PACRG: variants seen among roughly 807,000 people sequenced by gnomAD.
PACRG encodes parkin coregulated, also known as parkin coregulated gene protein.
PACRG carries 29 observed loss-of-function variants against 29.7 expected under a neutral mutation model. That is an observed-to-expected ratio of 0.98 (90% confidence interval 0.73 to 1.33). The LOEUF is 1.33. Among genes scored for constraint, PACRG ranks in the 40% most tolerant of loss-of-function variants. The probability of loss-of-function intolerance (pLI) is 0.00; values close to 1 mark genes in which losing one functional copy is unlikely to be tolerated. For synonymous variants in PACRG, 116 were observed against 118.7 expected (o/e 0.98, Z 0.15); for missense variants, 279 against 316.2 (o/e 0.88, Z 0.89).
chr6:162,828,461 G>C (rs939968096), intron 2 of PACRG, among the ~76,000 whole-genome samples: 11 of 152,178 alleles, frequency 7.2e-5, no homozygotes, highest in Non-Finnish European at 1.5e-4. Context: ...CATTACCTGA[G>C]TACTTACTGG....
intron 2 of PACRG, among the ~76,000 whole-genome samples, chr6:162,902,990 A>G (rs1795664118): frequency 6.6e-6 from 1 of 152,206 alleles, no homozygotes; most frequent in African/African-American, 2.4e-5. Context: ...CTTACTGTTA[A>G]TCCTTCCCAG....
chr6:162,727,333 G>GGGC, upstream of PACRG: 2 of 391,818 alleles, frequency 5.1e-6, no homozygotes, highest in South Asian at 3.8e-5. Flanking sequence ...GGCGGCGGCG[G>GGGC]GGAGAAGGCT....
chr6:163,190,861 TG>T, intron 4 of PACRG: 1 of 420,852 alleles, frequency 2.4e-6, no homozygotes, highest in Non-Finnish European at 4.7e-6. Flanking sequence ...CCTCGTGTTC[TG>T]TCTATTGCTG....
intron 2 of PACRG, among the ~76,000 whole-genome samples, chr6:162,946,511 A>G (rs1369206864): frequency 6.6e-6 from 1 of 152,110 alleles, no homozygotes; most frequent in East Asian, 1.9e-4. Context: ...GTCTCCCAAC[A>G]AAGCAAAGTT....
intron 3 of PACRG, among the ~76,000 whole-genome samples, chr6:163,075,391 T>A (rs1812450148): frequency 6.6e-6 from 1 of 152,322 alleles, no homozygotes; most frequent in South Asian, 2.1e-4. Context: ...AATACACACT[T>A]CAACTCATTT....
At chr6:163,305,746 G>T (rs961558272) in intron 4 of PACRG, among the ~76,000 whole-genome samples, 3 of 152,134 alleles carry the variant, frequency 2.0e-5, no homozygotes, top group Non-Finnish European at 4.4e-5. Context: ...ATGAAGTAAA[G>T]ATAGTGTAAT....
At chr6:163,038,645 G>A (rs928286581) in intron 2 of PACRG, among the ~76,000 whole-genome samples, 3 of 152,122 alleles carry the variant, frequency 2.0e-5, no homozygotes, top group East Asian at 1.9e-4. Flanking sequence ...AAATGTTATA[G>A]AGCAAAAAAG....
At chr6:163,073,379 A>G (rs1259456505) in intron 3 of PACRG, among the ~76,000 whole-genome samples, 1 of 152,218 alleles carries the variant, frequency 6.6e-6, no homozygotes, top group East Asian at 1.9e-4. Flanking sequence ...GAATATCCAT[A>G]TGCACAAGAA....
intron 2 of PACRG, among the ~76,000 whole-genome samples, chr6:162,892,731 T>G (rs1202474301): frequency 1.3e-5 from 2 of 152,298 alleles, no homozygotes; most frequent in East Asian, 3.9e-4. Context: ...CTCTGTAGAC[T>G]TTATTAAAAT....
intron 4 of PACRG, among the ~76,000 whole-genome samples, chr6:163,196,924 C>CAGATAGATAGAT (rs10559182): frequency 3.9e-4 from 56 of 144,972 alleles, no homozygotes; most frequent in Non-Finnish European, 6.2e-4. Flanking sequence ...ACAGACTAGA[C>CAGATAGATAGAT]AGATAGATAG....
chr6:162,930,196 TAA>T (rs796126644), intron 2 of PACRG, among the ~76,000 whole-genome samples: 29 of 152,044 alleles, frequency 1.9e-4, no homozygotes, highest in African/African-American at 6.0e-4. Context: ...GTGGTAACTT[TAA>T]CAAAATTAGT....
Position 163,047,783 on chromosome 6 carries a change from C to T in PACRG, c.292-14367C>T, listed in dbSNP as rs144627753. Among the ~76,000 whole-genome samples, 79 of 152,198 alleles carry T rather than the reference C, an allele frequency of 5.2e-4. 2 individuals are homozygous for T. The East Asian group carries it at 0.015, about 29-fold the overall frequency. On this transcript the variant is annotated intron_variant, in intron 2 of 4. Coordinates refer to ENST00000366888, the MANE Select transcript of PACRG (RefSeq NM_001080379.2). ...TGATTAATTTGGGCAGAATCATCACCCATCTAAGTTTTAGTCTACCCAACC... is the reference window on the plus strand; with the variant it reads ...TGATTAATTTGGGCAGAATCATCACTCATCTAAGTTTTAGTCTACCCAACC...
chr6:163,070,645 G>A (rs761938309), intron 3 of PACRG, among the ~76,000 whole-genome samples: 19 of 151,848 alleles, frequency 1.3e-4, no homozygotes, highest in South Asian at 1.2e-3. Flanking sequence ...AGAAGGAATA[G>A]AAGATCACAA....
chr6:162,981,064 T>TGGGA (rs1049406530), intron 2 of PACRG, among the ~76,000 whole-genome samples: 1 of 151,954 alleles, frequency 6.6e-6, no homozygotes, highest in Admixed American at 6.6e-5. Context: ...GAGTCCCCAG[T>TGGGA]GTCCATTATA....
chr6:162,977,825 A>C (rs2128167898), intron 2 of PACRG, among the ~76,000 whole-genome samples: 1 of 152,286 alleles, frequency 6.6e-6, no homozygotes, highest in East Asian at 1.9e-4. Flanking sequence ...TAATCTTATA[A>C]AAATAAAAGC....
intron 4 of PACRG, among the ~76,000 whole-genome samples, chr6:163,166,655 A>T (rs755209147): frequency 7.9e-5 from 12 of 152,242 alleles, no homozygotes; most frequent in Non-Finnish European, 1.6e-4. Flanking sequence ...TATTTATTTC[A>T]GCCATATCTT....
intron 4 of PACRG, among the ~76,000 whole-genome samples, chr6:163,211,502 A>G (rs1781138660): frequency 6.6e-6 from 1 of 152,158 alleles, no homozygotes; most frequent in Admixed American, 6.5e-5. Flanking sequence ...CCTTTACCGT[A>G]TTTGATTATT....
intron 2 of PACRG, among the ~76,000 whole-genome samples, chr6:162,986,811 C>A (rs952607101): frequency 6.6e-6 from 1 of 152,004 alleles, no homozygotes; most frequent in East Asian, 1.9e-4. Context: ...AGTCTATTGT[C>A]GACAATTTCC....
intron 2 of PACRG, among the ~76,000 whole-genome samples, chr6:162,820,940 T>C (rs1787791371): frequency 6.6e-6 from 1 of 152,104 alleles, no homozygotes; most frequent in South Asian, 2.1e-4. Flanking sequence ...GATTAATTAA[T>C]AGACAGAGCT....
Sources: allele counts gnomAD v4.1 joint callset (sites outside exome capture counted in the v4.1 genomes callset), GRCh38; gene constraint gnomAD v4.1.1; transcripts MANE v1.5; gene names NCBI Gene and HGNC (gene_info 2026-07-23, HGNC 2026-07-21).